POGZ: variants seen among roughly 807,000 people sequenced by gnomAD.
POGZ encodes the protein pogo transposable element derived with ZNF domain.
A neutral mutation model predicts 134.6 loss-of-function variants in POGZ; 17 were observed. That is an observed-to-expected ratio of 0.13 (90% CI 0.09 to 0.19). The LOEUF (loss-of-function observed/expected upper bound fraction) is 0.19, where lower values mean the gene tolerates loss of function less well. POGZ is among the 10% of genes least tolerant of loss of function. The pLI is 1.00. For missense variants in POGZ, 1,306 were observed against 1,769.7 expected (o/e 0.74, Z 4.70); for synonymous variants, 693 against 657.1 (o/e 1.05, Z -0.84).
At chr1:151,434,390 T>C (rs1306330441) in intron 3 of POGZ, among the ~76,000 whole-genome samples, 6 of 151,792 alleles carry the variant, frequency 4.0e-5, no homozygotes, top group African/African-American at 1.5e-4. Flanking sequence ...GGGAGGATCG[T>C]TTGAGCCTGG....
chr1:151,445,728 G>C lies in POGZ; in HGVS notation c.-1-3523C>G, dbSNP rs368107437. On this transcript the variant is annotated intron_variant, in intron 1 of 18. Transcript: ENST00000271715. ...ACACAAAGCATCTCTGAAAGACACT[G>C]AAGCCAAATTTTTCAAAACTGTCCT... 1.2e-4 allele frequency among the ~76,000 whole-genome samples: 19 copies of C among 152,116 alleles called. No individual in the cohort carries two copies. The South Asian group carries it at 1.7e-3, about 13-fold the overall frequency.
chr1:151,412,305 A>G lies in POGZ; in HGVS notation c.1770T>C (p.Tyr590=). ...KDTHKPGEMP[Y]VCQVCQYRSS... is the part of the protein sequence containing the mutation. ...GAGAAAAAGGCAATACCTGGCAAAC[A>G]TAAGGCATCTCTCCAGGCTTATGAG... is the stretch of plus-strand genomic sequence containing the variant. The change falls in exon 11 of 19, where the codon TAT becomes TAC. Residue 590 remains tyrosine, a synonymous_variant. Transcript: ENST00000271715. The G allele has an allele frequency of 1.3e-6, 2 of 1,579,756 alleles. No homozygotes were observed. The highest frequency in any genetic ancestry group is 8.7e-7 in the Non-Finnish European group (1 of 1,153,098).
chr1:151,428,358 C>G lies in POGZ; in HGVS notation c.624G>C (p.Gln208His). ...TGGAGCCTGGCCTCACAGGGGTCAT[C>G]TGGGAGAACACTTGTGGAACTCCAA... ...PTVGVPQVFSQMTPVRPGSTM... is the reference protein window; with the variant it reads ...PTVGVPQVFSHMTPVRPGSTM... The change falls in exon 6 of 19, where the codon CAG becomes CAC. Residue 208 changes from glutamine to histidine, a missense_variant. Physicochemically the swap from Gln to His is conservative, Grantham distance 24. Around this residue, in one of 10 missense-constraint regions of POGZ, gnomAD observed 541 missense variants for 680.5 expected, o/e 0.80. Transcript: ENST00000271715. 2 of 1,614,012 alleles carry G rather than the reference C, an allele frequency of 1.2e-6. No individual in the cohort carries two copies. The highest frequency in any genetic ancestry group is 1.7e-6 in the Non-Finnish European group (2 of 1,179,876).
Position 151,442,111 on chromosome 1 carries a change from C to G in POGZ, c.94G>C (p.Asp32His). ...SDVIEDSVVE[D>H]YNSVDKTTTV... ...GTAGTTTTATCCACTGAATTATAAT[C>G]TTCAACTACAGAGTCCTCAATGACA... The change falls in exon 2 of 19, where the codon GAT (aspartate) becomes CAT (histidine). Residue 32 changes from aspartate (D) to histidine (H), a missense_variant. By Grantham distance (81) the Asp-to-His change is moderately conservative (BLOSUM62 -1). Transcript: ENST00000271715. 1.2e-6 allele frequency: 2 copies of G among 1,604,810 alleles called. No homozygotes were observed. Among genetic ancestry groups the G allele is most frequent in the Non-Finnish European group, 1.7e-6 (2 of 1,171,562 alleles).
intron 1 of POGZ, among the ~76,000 whole-genome samples, chr1:151,458,567 G>A (rs1283739599): frequency 6.6e-6 from 1 of 150,906 alleles, no homozygotes; most frequent in Admixed American, 6.6e-5. Context: ...GAATGGGGCG[G>A]GGAGGGCCGC....
At chr1:151,435,725 C>T (rs565870546) in intron 3 of POGZ, among the ~76,000 whole-genome samples, 14 of 151,944 alleles carry the variant, frequency 9.2e-5, no homozygotes, top group Non-Finnish European at 2.1e-4. Flanking sequence ...GAACTCCTGA[C>T]CTCAAATGTT....
chr1:151,410,346 C>G (rs113135539), intron 12 of POGZ, among the ~76,000 whole-genome samples: 1 of 152,134 alleles, frequency 6.6e-6, no homozygotes, highest in Non-Finnish European at 1.5e-5. Context: ...ATGTGACTTC[C>G]ACCCTACCAA....
rs1166942307 is a variant in POGZ at position 151,406,397 on chromosome 1, G to A, written c.2638C>T (p.Pro880Ser). ...TTCACAGTGGCAGCTTTGTTAGTGGGGAAGGAAGGAGGAGGGTACATATTC... is the reference window on the plus strand; with the variant it reads ...TTCACAGTGGCAGCTTTGTTAGTGGAGAAGGAAGGAGGAGGGTACATATTC... ...VKNMYPPPSF[P>S]TNKAATVKSA... The change falls in exon 19 of 19, where the codon CCC becomes TCC. Residue 880 changes from proline to serine, a missense_variant. Pro to Ser is a moderately conservative substitution (Grantham distance 74). Coordinates refer to ENST00000271715, the MANE Select transcript of POGZ (RefSeq NM_015100.4). 3.2e-6 allele frequency: 5 copies of A among 1,573,204 alleles called. No homozygotes were observed. The highest frequency in any genetic ancestry group is 1.7e-4 in the Middle Eastern group (1 of 5,820).
At chr1:151,448,758 A>G (rs909337916) in intron 1 of POGZ, among the ~76,000 whole-genome samples, 5 of 152,112 alleles carry the variant, frequency 3.3e-5, no homozygotes, top group Non-Finnish European at 7.4e-5. Context: ...CCAGCTACTC[A>G]ACAGGCTGAG....
chr1:151,442,332 T>C, intron 1 of POGZ, 127 bp from the exon 2 acceptor site: 1 of 607,970 alleles, frequency 1.6e-6, no homozygotes, highest in Non-Finnish European at 2.7e-6. Context: ...TCATATCCTC[T>C]AGCCTTCCTC....
Position 151,405,885 on chromosome 1 carries a change from C to G in POGZ, c.3150G>C (p.Leu1050Phe). The G allele has an allele frequency of 6.2e-7, 1 of 1,614,170 alleles. No homozygotes were observed. The highest frequency in any genetic ancestry group is 8.5e-7 in the Non-Finnish European group (1 of 1,180,020). Residue 1050 changes from leucine (L) to phenylalanine (F), a missense_variant, in exon 19 of 19, where the codon TTG becomes TTC. Leu to Phe is a conservative substitution (Grantham distance 22). Around this residue, in one of 10 missense-constraint regions of POGZ, gnomAD observed 24 missense variants for 69.6 expected, o/e 0.34. Coordinates refer to ENST00000271715, the MANE Select transcript of POGZ (RefSeq NM_015100.4). The surrounding 1 kb of genome is among the most constrained non-coding windows in gnomAD (Gnocchi z 4.9). The stretch of plus-strand genomic sequence containing the variant: ...GTCCTATTTTGGTGGCCTTCTGGAA[C>G]AAGGTCTCCTCATTTACAGGTAGCT... ...EQQLPVNEET[L>F]FQKATKIGRS...
Position 151,405,278 on chromosome 1 carries a change from C to G in POGZ, c.3757G>C (p.Val1253Leu). Reference protein sequence around the residue: ...LSASSTLPAVVPAGCSSKIQP... With the variant: ...LSASSTLPAVLPAGCSSKIQP... ...ATTTTGGAGCTACAGCCTGCTGGGA[C>G]CACTGCAGGCAAAGTGCTAGAGGCA... is the stretch of plus-strand genomic sequence containing the variant. The change falls in exon 19 of 19, where the codon GTC (valine) becomes CTC (leucine). Residue 1253 changes from valine to leucine, a missense_variant. Val to Leu is a conservative substitution (Grantham distance 32). Around this residue, in one of 10 missense-constraint regions of POGZ, gnomAD observed 67 missense variants for 105.8 expected, o/e 0.63. Coordinates refer to ENST00000271715, the MANE Select transcript of POGZ (RefSeq NM_015100.4). The surrounding 1 kb of genome is among the most constrained non-coding windows in gnomAD (Gnocchi z 4.9). 2 of 1,614,220 alleles carry G rather than the reference C, an allele frequency of 1.2e-6. No homozygotes were observed. The highest frequency in any genetic ancestry group is 1.1e-5 in the South Asian group (1 of 91,088).
At position 151,405,982 on chromosome 1, in the gene POGZ, A is replaced by G; in HGVS notation, c.3053T>C (p.Leu1018Pro). Residue 1018 changes from leucine (L) to proline (P), a missense_variant, in exon 19 of 19, where the codon CTA becomes CCA. Leu to Pro is a moderately conservative substitution (Grantham distance 98). Around this residue, in one of 10 missense-constraint regions of POGZ, gnomAD observed 214 missense variants for 255.5 expected, o/e 0.84. Coordinates refer to ENST00000271715, the MANE Select transcript of POGZ (RefSeq NM_015100.4). The surrounding 1 kb of genome is among the most constrained non-coding windows in gnomAD (Gnocchi z 4.9). ...CTCAAAGCTCAGATATTTGCCCTCT[A>G]GATTCTCCCCCTGGGAGGCCTGGAA... ...RRFQASQGEN[L>P]EGKYLSFEAE... 6.2e-7 allele frequency: 1 copy of G among 1,614,184 alleles called. No homozygotes were observed. Among genetic ancestry groups the G allele is most frequent in the Non-Finnish European group, 8.5e-7 (1 of 1,180,032 alleles).
intron 1 of POGZ, among the ~76,000 whole-genome samples, chr1:151,455,684 T>C (rs1303677375): frequency 1.3e-5 from 2 of 152,240 alleles, no homozygotes; most frequent in South Asian, 2.1e-4. Context: ...AAAAGTAACG[T>C]TGTTTTGCAT....
At chr1:151,457,172 C>CT (rs1553238110) in intron 1 of POGZ, among the ~76,000 whole-genome samples, 3 of 152,310 alleles carry the variant, frequency 2.0e-5, no homozygotes, top group South Asian at 2.1e-4. Context: ...AGTGGAAACT[C>CT]TAACTAAATC....
In POGZ at chr1:151,428,371, T is replaced by G; in HGVS notation, c.611A>C (p.Gln204Pro). The G allele has an allele frequency of 6.2e-7, 1 of 1,613,716 alleles. No individual in the cohort carries two copies. Among genetic ancestry groups the G allele is most frequent in the Non-Finnish European group, 8.5e-7 (1 of 1,179,632 alleles). ...QFVKPTVGVP[Q>P]VFSQMTPVRP... ...CACAGGGGTCATCTGGGAGAACACTTGTGGAACTCCAACTGTCGGCTTAAC... is the reference window on the plus strand; with the variant it reads ...CACAGGGGTCATCTGGGAGAACACTGGTGGAACTCCAACTGTCGGCTTAAC... Residue 204 changes from glutamine (Q) to proline (P), a missense_variant, in exon 6 of 19, where the codon CAA becomes CCA. Physicochemically the swap from Gln to Pro is moderately conservative, Grantham distance 76. Transcript: ENST00000271715.
intron 10 of POGZ, among the ~76,000 whole-genome samples, chr1:151,419,860 A>G (rs1165221412): frequency 6.6e-6 from 1 of 152,086 alleles, no homozygotes; most frequent in African/African-American, 2.4e-5. Flanking sequence ...AAGATCAATG[A>G]GGGTCTACAT....
rs1306689632 is a variant in POGZ, at chr1:151,428,315, T to C, written c.667A>G (p.Thr223Ala). 6 of 1,613,954 alleles carry C rather than the reference T, an allele frequency of 3.7e-6. No individual in the cohort carries two copies. Among genetic ancestry groups the C allele is most frequent in the Non-Finnish European group, 5.1e-6 (6 of 1,179,998 alleles). ...ATGACGGTGGTGAAGGTGTTGGTGG[T>C]GGGCCTCACAGGCATTGTGGAGCCT... ...RPGSTMPVRP[T>A]TNTFTTVIPA... is the part of the protein sequence containing the mutation. Residue 223 changes from threonine to alanine, a missense_variant, in exon 6 of 19, where the codon ACC becomes GCC. Physicochemically the swap from Thr to Ala is moderately conservative, Grantham distance 58 (BLOSUM62 0). Transcript: ENST00000271715.
Position 151,459,475 on chromosome 1 carries a change from C to G in POGZ, c.-325G>C, listed in dbSNP as rs1289346173. 6.6e-6 allele frequency: 1 copy of G among 152,302 alleles called. No homozygotes were observed. Among genetic ancestry groups the G allele is most frequent in the Non-Finnish European group, 1.5e-5 (1 of 68,030 alleles). 9.4% of individuals were successfully genotyped at this position (152,302 alleles called of 1,614,324 possible). A position where few individuals can be genotyped will look rare whatever the true frequency, so the allele number is the denominator to read the frequency against. ...GACGCCGACTCCCCCCACCGACCCT[C>G]TCGCCCCGCGGAGGGATACGGCTCG... On this transcript the variant is annotated 5_prime_UTR_variant, in exon 1 of 19. Transcript: ENST00000271715.
Sources: allele counts gnomAD v4.1 joint callset (sites outside exome capture counted in the v4.1 genomes callset), GRCh38; gene constraint gnomAD v4.1.1; regional missense constraint gnomAD v4.1.1; non-coding constraint Gnocchi (gnomAD v3.1); transcripts MANE v1.5; gene names NCBI Gene and HGNC (gene_info 2026-07-23, HGNC 2026-07-21).